The following MAPT variants were observed in gnomAD, a reference collection of about 807,000 sequenced individuals.
The protein encoded by MAPT is microtubule-associated protein tau.
In MAPT, 34 loss-of-function variants were observed where a neutral mutation model predicts 67.9. The observed-to-expected ratio is 0.50, with a 90% confidence interval of 0.38 to 0.67. MAPT has a LOEUF of 0.67. Among genes scored for constraint, MAPT ranks in the 30% least tolerant of loss-of-function variants. The pLI is 0.00. For synonymous variants in MAPT, 456 were observed against 464.5 expected (o/e 0.98, Z 0.23); for missense variants, 881 against 1,115.2 (o/e 0.79, Z 2.99).
At chr17:45,964,681 A>C (rs951718938) in intron 2 of MAPT, among the ~76,000 whole-genome samples, 1 of 151,334 alleles carries the variant, frequency 6.6e-6, no homozygotes, top group African/African-American at 2.4e-5. Flanking sequence ...CCCCCATGTC[A>C]AATAATAATA....
intron 9 of MAPT, among the ~76,000 whole-genome samples, chr17:46,004,815 A>C (rs111324579): frequency 6.6e-6 from 1 of 151,794 alleles, no homozygotes; most frequent in Non-Finnish European, 1.5e-5. Context: ...ACAGAGTTTC[A>C]CTCTGTCGCC....
chr17:45,935,989 C>T (rs1345677513), intron 1 of MAPT, among the ~76,000 whole-genome samples: 1 of 152,174 alleles, frequency 6.6e-6, no homozygotes, highest in African/African-American at 2.4e-5. Context: ...CTGTGTGTAC[C>T]TCTTTGTCTC....
chr17:45,935,790 C>G (rs1029364435), intron 1 of MAPT, among the ~76,000 whole-genome samples: 10 of 152,268 alleles, frequency 6.6e-5, no homozygotes, highest in African/African-American at 2.4e-4. Context: ...CCCTTCAAGC[C>G]TGCCCTCCCT....
At chr17:45,964,448 G>A (rs1019132944) in intron 2 of MAPT, among the ~76,000 whole-genome samples, 9 of 148,904 alleles carry the variant, frequency 6.0e-5, no homozygotes, top group East Asian at 6.0e-4. Context: ...GGGAGGCTGC[G>A]GCAGGAGGAT....
At chr17:45,941,988 G>C (rs1219510533) in intron 1 of MAPT, among the ~76,000 whole-genome samples, 1 of 152,068 alleles carries the variant, frequency 6.6e-6, no homozygotes, top group Non-Finnish European at 1.5e-5. Context: ...CAGATCCTCA[G>C]TGGAACATGA....
chr17:45,928,784 C>T (rs1391540454), intron 1 of MAPT, among the ~76,000 whole-genome samples: 1 of 152,192 alleles, frequency 6.6e-6, no homozygotes, highest in Non-Finnish European at 1.5e-5. Context: ...CAAGCTCCGC[C>T]TCTCGGGTTC....
At chr17:46,019,485 G>C (rs569249387) in intron 12 of MAPT, among the ~76,000 whole-genome samples, 77 of 152,130 alleles carry the variant, frequency 5.1e-4, no homozygotes, top group African/African-American at 1.7e-3. Context: ...TCCCACCTCA[G>C]CCTCCCAGGT....
Position 46,024,053 on chromosome 17 carries a change from C to T in MAPT, c.2384C>T (p.Thr795Met), listed in dbSNP as rs1358589137. The T allele has an allele frequency of 3.1e-6, 5 of 1,614,136 alleles. No individual in the cohort carries two copies. The highest frequency in any genetic ancestry group is 2.2e-5 in the East Asian group (1 of 44,874). The change falls in exon 13 of 13, where the codon ACG becomes ATG. Residue 795 changes from threonine (T) to methionine (M), a missense_variant. Thr to Met is a moderately conservative substitution (Grantham distance 81). Coordinates refer to ENST00000262410, the MANE Select transcript of MAPT (RefSeq NM_001377265.1). ...VYKSPVVSGDTSPRHLSNVSS... is the reference protein window; with the variant it reads ...VYKSPVVSGDMSPRHLSNVSS... ...AAGTCGCCAGTGGTGTCTGGGGACACGTCTCCACGGCATCTCAGCAATGTC... is the reference window on the plus strand; with the variant it reads ...AAGTCGCCAGTGGTGTCTGGGGACATGTCTCCACGGCATCTCAGCAATGTC...
At chr17:45,925,171 T>C (rs2144535829) in intron 1 of MAPT, among the ~76,000 whole-genome samples, 1 of 152,364 alleles carries the variant, frequency 6.6e-6, no homozygotes, top group East Asian at 1.9e-4. Flanking sequence ...TTTGTGGATT[T>C]GTTTATTCAC....
intron 1 of MAPT, among the ~76,000 whole-genome samples, chr17:45,939,446 G>GT (rs144165518): frequency 2.0e-5 from 3 of 152,064 alleles, no homozygotes; most frequent in Non-Finnish European, 4.4e-5. Context: ...ATCTCATTTT[G>GT]TTTTTTGTTT....
intron 9 of MAPT, among the ~76,000 whole-genome samples, chr17:46,004,785 T>G (rs1219110325): frequency 6.6e-6 from 1 of 152,204 alleles, no homozygotes; most frequent in Non-Finnish European, 1.5e-5. Flanking sequence ...TTTGTTTTTT[T>G]GTTTGCTTGT....
At chr17:45,974,351 TG>T in intron 3 of MAPT, 1 of 1,468,100 alleles carries the variant, frequency 6.8e-7, no homozygotes, top group African/African-American at 1.4e-5. Context: ...TGGCTCGTCC[TG>T]GCCCCTCTAA....
chr17:45,955,334 T>C (rs1358854164), intron 1 of MAPT, among the ~76,000 whole-genome samples: 1 of 152,222 alleles, frequency 6.6e-6, no homozygotes, highest in Admixed American at 6.5e-5. Context: ...ACTTCTTGGC[T>C]CCATTCCTTC....
At chr17:45,926,638 G>A (rs1451132398) in intron 1 of MAPT, among the ~76,000 whole-genome samples, 1 of 152,152 alleles carries the variant, frequency 6.6e-6, no homozygotes, top group Non-Finnish European at 1.5e-5. Context: ...ATCTATAAGA[G>A]ACATTATTGG....
intron 1 of MAPT, among the ~76,000 whole-genome samples, chr17:45,927,558 A>G (rs16940742): frequency 0.11 from 17,180 of 152,146 alleles, 1,249 homozygotes; most frequent in South Asian, 0.26. Context: ...TGTCTCAGGA[A>G]CGGTGCTTAG....
At chr17:45,898,642 C>T (rs1034356564) in intron 1 of MAPT, 4 of 152,160 alleles carry the variant, frequency 2.6e-5, no homozygotes, top group African/African-American at 9.7e-5. Context: ...TGTACGAACA[C>T]GTGTTATTTT....
chr17:46,012,147 T>C (rs2146043685), intron 10 of MAPT, among the ~76,000 whole-genome samples: 1 of 152,290 alleles, frequency 6.6e-6, no homozygotes, highest in South Asian at 2.1e-4. Context: ...GCCATGTGCT[T>C]TCTGGTTGAA....
intron 4 of MAPT, chr17:45,979,560 A>C (rs1489896297): frequency 2.0e-5 from 3 of 152,248 alleles, no homozygotes; most frequent in African/African-American, 7.2e-5. Flanking sequence ...CATGGCACAG[A>C]AAGGCACATT....
chr17:45,955,512 C>G (rs997573726), intron 1 of MAPT, among the ~76,000 whole-genome samples: 1 of 152,206 alleles, frequency 6.6e-6, no homozygotes, highest in Admixed American at 6.5e-5. Flanking sequence ...CCACCTCACC[C>G]ACCTACAGGT....
Sources: gnomAD v4.1 joint callset for allele counts (sites outside exome capture counted in the v4.1 genomes callset) on GRCh38, gnomAD v4.1.1 for gene constraint, MANE v1.5 for transcripts, NCBI Gene and HGNC (gene_info 2026-07-23, HGNC 2026-07-21) for gene names.